TENM3: variants seen among roughly 807,000 people sequenced by gnomAD.
TENM3 encodes teneurin transmembrane protein 3.
TENM3 carries 63 observed loss-of-function variants against 255.1 expected under a neutral mutation model. The ratio of observed to expected loss-of-function variants is 0.25; its 90% CI spans 0.20 to 0.30. The LOEUF (loss-of-function observed/expected upper bound fraction) is 0.30. Among genes scored for constraint, TENM3 ranks in the 10% least tolerant of loss-of-function variants. TENM3 has a pLI of 1.00. For missense variants in TENM3, 2,929 were observed against 3,461.1 expected (o/e 0.85, Z 3.86); for synonymous variants, 1,306 against 1,322.3 (o/e 0.99, Z 0.27).
At chr4:181,521,538 G>T in the TENM3 span, among the ~76,000 whole-genome samples, 7 of 152,130 alleles carry the variant, frequency 4.6e-5, no homozygotes, top group Admixed American at 2.6e-4. Context: ...CTCTACTGAA[G>T]GATATAGACT....
chr4:181,752,696 C>T, the TENM3 span, among the ~76,000 whole-genome samples: 5 of 152,006 alleles, frequency 3.3e-5, no homozygotes, highest in Non-Finnish European at 7.4e-5. Context: ...TCTCAAACCC[C>T]TGCCGCAGAC....
intron 3 of TENM3, among the ~76,000 whole-genome samples, chr4:182,393,761 G>A (rs1343656076): frequency 1.3e-5 from 2 of 152,012 alleles, no homozygotes; most frequent in Non-Finnish European, 2.9e-5. Context: ...CATGAGAGCT[G>A]GCAGGAAGTC....
At chr4:181,962,629 A>G in the TENM3 span, among the ~76,000 whole-genome samples, 1 of 152,224 alleles carries the variant, frequency 6.6e-6, no homozygotes, top group African/African-American at 2.4e-5. Flanking sequence ...AACAACCAGT[A>G]TAAGTTACAT....
the TENM3 span, among the ~76,000 whole-genome samples, chr4:181,497,031 C>T: frequency 6.6e-6 from 1 of 152,046 alleles, no homozygotes; most frequent in East Asian, 1.9e-4. Flanking sequence ...ATGTTACAGC[C>T]TGTAGACATA....
At chr4:181,880,169 T>C in the TENM3 span, among the ~76,000 whole-genome samples, 1 of 152,186 alleles carries the variant, frequency 6.6e-6, no homozygotes, top group Non-Finnish European at 1.5e-5. Flanking sequence ...GGCACCTTCC[T>C]CTACTTCTTC....
chr4:181,550,610 T>C, the TENM3 span, among the ~76,000 whole-genome samples: 382 of 152,310 alleles, frequency 2.5e-3, 1 homozygote, highest in African/African-American at 8.6e-3. Context: ...ATGAAATGAC[T>C]GGCATTAAAA....
the TENM3 span, among the ~76,000 whole-genome samples, chr4:181,871,895 T>C: frequency 2.0e-5 from 3 of 152,140 alleles, no homozygotes; most frequent in Admixed American, 2.0e-4. Context: ...CCATCTTGCA[T>C]TCCTGGGATA....
At chr4:181,455,893 A>C in the TENM3 span, among the ~76,000 whole-genome samples, 1 of 152,104 alleles carries the variant, frequency 6.6e-6, no homozygotes, top group African/African-American at 2.4e-5. Flanking sequence ...CAGCTATATT[A>C]ATAGCTTTGA....
At chr4:182,390,082 T>C (rs565059266) in intron 3 of TENM3, among the ~76,000 whole-genome samples, 2 of 152,190 alleles carry the variant, frequency 1.3e-5, no homozygotes, top group Non-Finnish European at 2.9e-5. Flanking sequence ...TCTGTTTCAT[T>C]GACTGTATTA....
intron 22 of TENM3, among the ~76,000 whole-genome samples, chr4:182,760,318 G>A (rs146290867): frequency 5.9e-5 from 9 of 152,256 alleles, no homozygotes; most frequent in South Asian, 4.1e-4. Flanking sequence ...AAAAGAAACC[G>A]CGGTTCTTAC....
At chr4:181,501,685 T>G in the TENM3 span, among the ~76,000 whole-genome samples, 1 of 151,986 alleles carries the variant, frequency 6.6e-6, no homozygotes, top group African/African-American at 2.4e-5. Flanking sequence ...GCCAGATTGG[T>G]TTTTTTTCTA....
At chr4:182,351,633 G>C (rs17073129) in intron 3 of TENM3, among the ~76,000 whole-genome samples, 4,983 of 152,268 alleles carry the variant, frequency 0.033, 139 homozygotes, top group African/African-American at 0.071. Context: ...TTTGATGTAA[G>C]GCAGGCCAGC....
chr4:181,604,147 C>T, the TENM3 span, among the ~76,000 whole-genome samples: 4 of 152,050 alleles, frequency 2.6e-5, no homozygotes, highest in Non-Finnish European at 5.9e-5. Flanking sequence ...TGCCTGTAGT[C>T]CCAGCTACTC....
At chr4:181,852,913 T>C in the TENM3 span, among the ~76,000 whole-genome samples, 1 of 152,168 alleles carries the variant, frequency 6.6e-6, no homozygotes, top group African/African-American at 2.4e-5. Context: ...ATCTTACACT[T>C]ACAAATGGTT....
the TENM3 span, among the ~76,000 whole-genome samples, chr4:181,910,827 T>C: frequency 6.6e-6 from 1 of 152,046 alleles, no homozygotes; most frequent in Non-Finnish European, 1.5e-5. Flanking sequence ...TTATAAGCTA[T>C]GCAAAACCAC....
At chr4:181,780,088 A>G in the TENM3 span, among the ~76,000 whole-genome samples, 476 of 152,320 alleles carry the variant, frequency 3.1e-3, 2 homozygotes, top group African/African-American at 8.6e-3. Context: ...ATAGTGCTGC[A>G]ATGAACATAC....
chr4:182,387,488 G>C (rs1442585000), intron 3 of TENM3, among the ~76,000 whole-genome samples: 2 of 152,168 alleles, frequency 1.3e-5, no homozygotes, highest in Non-Finnish European at 1.5e-5. Flanking sequence ...GGCCACATAA[G>C]AGAATAAAAG....
chr4:181,874,845 A>G, the TENM3 span, among the ~76,000 whole-genome samples: 1 of 152,182 alleles, frequency 6.6e-6, no homozygotes, highest in Non-Finnish European at 1.5e-5. Flanking sequence ...TTTGCATGCA[A>G]TCTGGAAACT....
chr4:182,295,148 A>G (rs990426523), intron 1 of TENM3, among the ~76,000 whole-genome samples: 6 of 152,014 alleles, frequency 3.9e-5, no homozygotes, highest in Admixed American at 3.9e-4. Flanking sequence ...TATTTAAATT[A>G]ATTAAATTTC....
Sources: gnomAD v4.1 joint callset for allele counts (sites outside exome capture counted in the v4.1 genomes callset) on GRCh38, gnomAD v4.1.1 for gene constraint, MANE v1.5 for transcripts, NCBI Gene and HGNC (gene_info 2026-07-23, HGNC 2026-07-21) for gene names.